TCERG1L: variants seen among roughly 807,000 people sequenced by gnomAD.
The protein encoded by TCERG1L is transcription elongation regulator 1-like protein.
TCERG1L carries 37 observed loss-of-function variants against 56.3 expected under a neutral mutation model. The observed-to-expected ratio is 0.66, with a 90% confidence interval of 0.51 to 0.87. The LOEUF (loss-of-function observed/expected upper bound fraction) is 0.87. Ranked by LOEUF, TCERG1L falls within the 40% of genes least tolerant of loss-of-function variation. The pLI, the probability that TCERG1L is intolerant of heterozygous loss-of-function variation, is 0.00. For synonymous variants in TCERG1L, 324 were observed against 326.3 expected (o/e 0.99, Z 0.08); for missense variants, 799 against 774.2 (o/e 1.03, Z -0.38).
chr10:131,259,230 C>A (rs1174325975), intron 4 of TCERG1L, among the ~76,000 whole-genome samples: 1 of 152,190 alleles, frequency 6.6e-6, no homozygotes, highest in African/African-American at 2.4e-5. Context: ...TGGAACTAGG[C>A]TGTTTGTCTT....
Position 131,118,904 on chromosome 10 carries a change from TG to T in TCERG1L, c.1260-1971del, listed in dbSNP as rs1845486009. On this transcript the variant is annotated intron_variant, in intron 8 of 11. Transcript: ENST00000368642. The surrounding 1 kb of genome is among the most constrained non-coding windows in gnomAD (Gnocchi z 4.2). ...TGGAAACATTTGTGGCTGCCACAAC[TG>T]GGGAGATGTTACCAGCACCTGGGAG... Among the ~76,000 whole-genome samples, 1 of 152,150 alleles carries T rather than the reference TG, an allele frequency of 6.6e-6. No individual in the cohort carries two copies. The highest frequency in any genetic ancestry group is 6.5e-5 in the Admixed American group (1 of 15,272).
chr10:131,169,626 G>C (rs1037762417), intron 4 of TCERG1L, among the ~76,000 whole-genome samples: 1 of 152,190 alleles, frequency 6.6e-6, no homozygotes, highest in Non-Finnish European at 1.5e-5. Flanking sequence ...GCAAGTCCCA[G>C]GGAGGAAGTC....
chr10:131,170,138 T>C (rs7912888), intron 4 of TCERG1L, among the ~76,000 whole-genome samples: 76,737 of 151,936 alleles, frequency 0.51, 21,004 homozygotes, highest in South Asian at 0.68. Flanking sequence ...TTCACAGTCA[T>C]TGATTTTGCA....
intron 4 of TCERG1L, among the ~76,000 whole-genome samples, chr10:131,203,209 C>T (rs991251197): frequency 6.6e-6 from 1 of 150,964 alleles, no homozygotes. Flanking sequence ...CTCCGAGCTG[C>T]GCTCTCTGGG....
At chr10:131,107,956 T>TAC (rs59364659) in intron 9 of TCERG1L, among the ~76,000 whole-genome samples, 38,217 of 146,618 alleles carry the variant, frequency 0.26, 5,391 homozygotes, top group East Asian at 0.61. Flanking sequence ...CATGTGTGCC[T>TAC]ACACACACAC....
At chr10:131,124,824 T>C (rs1367342709) in intron 8 of TCERG1L, among the ~76,000 whole-genome samples, 3 of 152,232 alleles carry the variant, frequency 2.0e-5, no homozygotes. Flanking sequence ...AACCTGGGCT[T>C]TCCCACTGTG....
chr10:131,198,441 G>A (rs1411673206), intron 4 of TCERG1L, among the ~76,000 whole-genome samples: 2 of 152,230 alleles, frequency 1.3e-5, no homozygotes, highest in Non-Finnish European at 2.9e-5. Flanking sequence ...TTCCTTTTAT[G>A]ACAAGAGGTG....
chr10:131,295,814 A>G (rs1041142685), intron 3 of TCERG1L, among the ~76,000 whole-genome samples: 3 of 152,198 alleles, frequency 2.0e-5, no homozygotes, highest in Non-Finnish European at 4.4e-5. Context: ...TACAGTGGTA[A>G]CGACCTCTAG....
chr10:131,163,085 C>A, intron 6 of TCERG1L, 37 bp downstream of exon 6: 1 of 1,474,450 alleles, frequency 6.8e-7, no homozygotes, highest in Non-Finnish European at 9.1e-7. Context: ...CCAGACAACG[C>A]CATTGCTAGT....
At chr10:131,135,142 T>C (rs10765038) in intron 7 of TCERG1L, among the ~76,000 whole-genome samples, 38,314 of 152,088 alleles carry the variant, frequency 0.25, 5,294 homozygotes, top group East Asian at 0.33. Flanking sequence ...TGGAGTGTCA[T>C]CCAGACCAAA....
chr10:131,280,679 G>A (rs1846441480), intron 3 of TCERG1L, among the ~76,000 whole-genome samples: 1 of 151,896 alleles, frequency 6.6e-6, no homozygotes. Flanking sequence ...GAAGCTACAC[G>A]ACTCATCTGT....
intron 11 of TCERG1L, among the ~76,000 whole-genome samples, chr10:131,094,694 CTCCT>C (rs1589772661): frequency 6.6e-6 from 1 of 151,974 alleles, no homozygotes; most frequent in Non-Finnish European, 1.5e-5. Flanking sequence ...CTCTCCCTCC[CTCCT>C]TTTCTCCCGG....
intron 3 of TCERG1L, among the ~76,000 whole-genome samples, chr10:131,300,829 G>A (rs1405092553): frequency 6.6e-6 from 1 of 150,768 alleles, no homozygotes; most frequent in Admixed American, 6.6e-5. Context: ...GATAAATACG[G>A]TTTACTCCTG....
At chr10:131,297,847 T>C (rs1846715481) in intron 3 of TCERG1L, among the ~76,000 whole-genome samples, 1 of 152,154 alleles carries the variant, frequency 6.6e-6, no homozygotes, top group East Asian at 1.9e-4. Context: ...GTTGCATTTA[T>C]GATTATAGTT....
chr10:131,223,312 G>GGCT (rs1308199821), intron 4 of TCERG1L, among the ~76,000 whole-genome samples: 2 of 152,196 alleles, frequency 1.3e-5, no homozygotes, highest in Non-Finnish European at 2.9e-5. Context: ...CCCCAATCCA[G>GGCT]GCGTCAAGGT....
chr10:131,310,857 G>A (rs941038036), intron 1 of TCERG1L, among the ~76,000 whole-genome samples: 5 of 152,182 alleles, frequency 3.3e-5, no homozygotes, highest in Admixed American at 6.5e-5. Context: ...ATTAGAATCT[G>A]AAACAGCTGA....
Position 131,260,311 on chromosome 10 carries a change from G to C in TCERG1L, c.804C>G (p.His268Gln). 6.9e-7 allele frequency: 1 copy of C among 1,447,324 alleles called. No individual in the cohort carries two copies. Among genetic ancestry groups the C allele is most frequent in the Non-Finnish European group, 9.1e-7 (1 of 1,101,174 alleles). The allele number at this position is 1,447,324 out of a possible 1,614,324, so 89.7% of individuals were successfully genotyped here. A position where few individuals can be genotyped will look rare whatever the true frequency, so the allele number is the denominator to read the frequency against. Residue 268 changes from histidine to glutamine, a missense_variant, in exon 4 of 12, where the codon CAC (histidine) becomes CAG (glutamine). Physicochemically the swap from His to Gln is conservative, Grantham distance 24 (BLOSUM62 0). Coordinates refer to ENST00000368642, the MANE Select transcript of TCERG1L (RefSeq NM_174937.4). This position sits in a 1 kb window ranked among gnomAD's most constrained non-coding sequence, Gnocchi z 5.8. ...TTTTGATGGGTGCCAAGGTCAGGAA[G>C]TGGCGCGGCTGCACGCTGGAGGGGG... ...GPSPSSVQPRHFLTLAPIKIP... is the reference protein window; with the variant it reads ...GPSPSSVQPRQFLTLAPIKIP...
intron 4 of TCERG1L, among the ~76,000 whole-genome samples, chr10:131,244,763 G>A (rs185370620): frequency 9.9e-5 from 15 of 152,254 alleles, no homozygotes; most frequent in African/African-American, 3.4e-4. Context: ...ACCTGTGGAC[G>A]AAGTCACCTG....
In TCERG1L at chr10:131,261,469, G is replaced by A. The variant is rs1211344698; in HGVS notation, c.671-1025C>T. 1.3e-5 allele frequency among the ~76,000 whole-genome samples: 2 copies of A among 152,238 alleles called. 1 individual carries two copies. Among genetic ancestry groups the A allele is most frequent in the Admixed American group, 1.3e-4 (2 of 15,280 alleles). On this transcript the variant is annotated intron_variant, in intron 3 of 11. Transcript: ENST00000368642. ...CTAGAAATATCAGCAAAAGCAGGAC[G>A]GCTGCATGAAGGATGGTGCGCTGTG... is the stretch of plus-strand genomic sequence containing the variant.
Sources: allele counts gnomAD v4.1 joint callset (sites outside exome capture counted in the v4.1 genomes callset), GRCh38; gene constraint gnomAD v4.1.1; non-coding constraint Gnocchi (gnomAD v3.1); transcripts MANE v1.5; gene names NCBI Gene and HGNC (gene_info 2026-07-23, HGNC 2026-07-21).